Variants in BICRA observed in about 807,000 individuals in gnomAD.
BICRA encodes the protein BRD4 interacting chromatin remodeling complex associated protein.
A neutral mutation model predicts 96.9 loss-of-function variants in BICRA; 31 were observed. That is an observed-to-expected ratio of 0.32 (90% CI 0.24 to 0.43). The LOEUF (loss-of-function observed/expected upper bound fraction) is 0.43. Ranked by LOEUF, BICRA falls within the 20% of genes least tolerant of loss-of-function variation. The pLI is 1.00. For synonymous variants in BICRA, 1,350 were observed against 1,071.8 expected (o/e 1.26, Z -5.07); for missense variants, 2,283 against 2,190.3 (o/e 1.04, Z -0.84).
intron 1 of BICRA, among the ~76,000 whole-genome samples, chr19:47,611,881 T>C (rs1971912528): frequency 6.6e-6 from 1 of 151,998 alleles, no homozygotes; most frequent in Non-Finnish European, 1.5e-5. Flanking sequence ...TAATTTTTTT[T>C]TTTTTTTGAG....
rs550911676 is a variant in BICRA, at chr19:47,694,182, C to T, written c.2351C>T (p.Pro784Leu). 8.6e-4 allele frequency: 1,289 copies of T among 1,505,270 alleles called. 8 individuals carry two copies. The highest frequency in any genetic ancestry group is 9.1e-4 in the Admixed American group (45 of 49,188). 93.2% of individuals were successfully genotyped at this position (1,505,270 alleles called of 1,614,324 possible). A position where few individuals can be genotyped will look rare whatever the true frequency, so the allele number is the denominator to read the frequency against. Residue 784 changes from proline to leucine, a missense_variant, in exon 8 of 15, where the codon CCT becomes CTT. Pro to Leu is a moderately conservative substitution (Grantham distance 98, BLOSUM62 -3). Coordinates refer to ENST00000594866, the MANE Select transcript of BICRA (RefSeq NM_001394372.1). Reference sequence around the variant, plus strand: ...TCCCCGTCACTACCTCACCAGGCCCCTCTGGGGGACAGCCCCCACCTGCCC... The same window carrying T: ...TCCCCGTCACTACCTCACCAGGCCCTTCTGGGGGACAGCCCCCACCTGCCC... ...SSSPSLPHQAPLGDSPHLPSP... is the reference protein window; with the variant it reads ...SSSPSLPHQALLGDSPHLPSP...
intron 14 of BICRA, chr19:47,700,827 T>A (rs958556652): frequency 6.4e-6 from 1 of 156,570 alleles, no homozygotes; most frequent in Non-Finnish European, 1.4e-5. Flanking sequence ...AAAAACCTCA[T>A]GTCATTTCGG....
chr19:47,669,177 C>T (rs1007311891), intron 1 of BICRA, among the ~76,000 whole-genome samples: 1 of 152,010 alleles, frequency 6.6e-6, no homozygotes, highest in African/African-American at 2.4e-5. Flanking sequence ...TTCCTAAGGG[C>T]AGTGAGGCTG....
In BICRA at chr19:47,649,063, T is replaced by G. The variant is rs189231713; in HGVS notation, c.-107-21380T>G. Among the ~76,000 whole-genome samples, 1,209 of 152,138 alleles carry G rather than the reference T, an allele frequency of 7.9e-3. 11 individuals are homozygous for G. Among genetic ancestry groups the G allele is most frequent in the Non-Finnish European group, 0.013 (891 of 67,998 alleles). On this transcript the variant is annotated intron_variant, in intron 1 of 14. Transcript: ENST00000594866. ...AGACGGGGTTTCACCATGTTAGCTA[T>G]GATGGTCTCAATCTCCTGACCTTGT...
intron 1 of BICRA, among the ~76,000 whole-genome samples, chr19:47,649,594 A>G (rs1207240187): frequency 6.6e-6 from 1 of 152,224 alleles, no homozygotes; most frequent in Non-Finnish European, 1.5e-5. Flanking sequence ...GAATTAGTAG[A>G]AATTGATATC....
chr19:47,665,663 G>A (rs773948112), intron 1 of BICRA, among the ~76,000 whole-genome samples: 1 of 152,118 alleles, frequency 6.6e-6, no homozygotes, highest in Non-Finnish European at 1.5e-5. Context: ...TAATCTTCAT[G>A]TGTGTCTTGA....
chr19:47,702,146 G>A lies in BICRA; in HGVS notation c.4414G>A (p.Ala1472Thr). 1 of 1,551,112 alleles carries A rather than the reference G, an allele frequency of 6.4e-7. No individual in the cohort carries two copies. ...PDWEAPGLPP[A>T]KRRKSESPDV... ...CTGGGAGGCGCCCGGGCTGCCCCCT[G>A]CCAAGCGGCGCAAGTCCGAGTCGCC... The change falls in exon 15 of 15, where the codon GCC becomes ACC. Residue 1472 changes from alanine (A) to threonine (T), a missense_variant. Transcript: ENST00000594866.
chr19:47,697,425 A>G (rs529913942), intron 11 of BICRA, among the ~76,000 whole-genome samples: 33 of 151,662 alleles, frequency 2.2e-4, no homozygotes, highest in African/African-American at 6.8e-4. Flanking sequence ...TTTTTTATAT[A>G]TATTGTGGAG....
At chr19:47,677,916 C>T (rs1008480129) in intron 5 of BICRA, among the ~76,000 whole-genome samples, 3 of 152,152 alleles carry the variant, frequency 2.0e-5, no homozygotes, top group African/African-American at 7.2e-5. Flanking sequence ...GCTTGCCTTT[C>T]GGCGGCCAAA....
intron 1 of BICRA, among the ~76,000 whole-genome samples, chr19:47,634,729 C>T (rs1972273092): frequency 6.6e-6 from 1 of 151,298 alleles, no homozygotes; most frequent in African/African-American, 2.4e-5. Flanking sequence ...GTGCCATCCT[C>T]AACTCTCTTC....
chr19:47,621,337 G>A (rs1299449115), intron 1 of BICRA, among the ~76,000 whole-genome samples: 1 of 152,052 alleles, frequency 6.6e-6, no homozygotes, highest in East Asian at 1.9e-4. Context: ...GTGCAGGGTT[G>A]TCTTTTTCTG....
intron 1 of BICRA, among the ~76,000 whole-genome samples, chr19:47,660,563 G>T (rs1269032617): frequency 6.6e-6 from 1 of 152,170 alleles, no homozygotes; most frequent in African/African-American, 2.4e-5. Flanking sequence ...TTAAGTCCAC[G>T]TACCAGGTGA....
intron 11 of BICRA, among the ~76,000 whole-genome samples, chr19:47,697,851 C>T (rs1184045013): frequency 3.3e-5 from 5 of 152,248 alleles, no homozygotes; most frequent in East Asian, 1.9e-4. Flanking sequence ...ACTACAGGCA[C>T]GTGCCACCAC....
intron 1 of BICRA, among the ~76,000 whole-genome samples, chr19:47,610,626 C>T (rs1235523915): frequency 6.6e-6 from 1 of 150,440 alleles, no homozygotes; most frequent in Admixed American, 6.6e-5. Context: ...CCCACACACA[C>T]ACCTACCTAC....
chr19:47,624,690 C>T (rs112389419), intron 1 of BICRA, among the ~76,000 whole-genome samples: 170 of 151,158 alleles, frequency 1.1e-3, no homozygotes, highest in African/African-American at 3.8e-3. Flanking sequence ...CTGCCACGCC[C>T]TGACTTTTTT....
rs1408780471 is a variant in BICRA at position 47,663,803 on chromosome 19, C to CAT, written c.-107-6639_-107-6638insTA. 3 of 152,096 alleles carry CAT rather than the reference C, an allele frequency of 2.0e-5. No homozygotes were observed. In the East Asian group the frequency reaches 5.8e-4, roughly 29 times the overall value. The allele number at this position is 152,096 out of a possible 1,614,324, so 9.4% of individuals were successfully genotyped here. ...TTCTTTGTGTCGCAGTACACACACACACACACACACACATTATTGAAACCA... is the reference window on the plus strand; with the variant it reads ...TTCTTTGTGTCGCAGTACACACACACATACACACACACACATTATTGAAACCA... On this transcript the variant is annotated intron_variant, in intron 1 of 14. Coordinates refer to ENST00000594866, the MANE Select transcript of BICRA (RefSeq NM_001394372.1).
At chr19:47,639,629 ATTTTTTTTTTTTT>A (rs55946534) in intron 1 of BICRA, among the ~76,000 whole-genome samples, 3 of 105,836 alleles carry the variant, frequency 2.8e-5, no homozygotes, top group Non-Finnish European at 5.4e-5. Flanking sequence ...CGGCCAGCCA[ATTTTTTTTTTTTT>A]TTTTTTTTTT....
chr19:47,692,250 G>A (rs894816502), intron 7 of BICRA, among the ~76,000 whole-genome samples: 4 of 150,332 alleles, frequency 2.7e-5, no homozygotes, highest in Non-Finnish European at 4.4e-5. Context: ...TTTTTGAGAC[G>A]GAGTTTCACT....
intron 1 of BICRA, among the ~76,000 whole-genome samples, chr19:47,643,880 G>C (rs182380069): frequency 1.3e-4 from 20 of 152,236 alleles, no homozygotes; most frequent in Admixed American, 8.5e-4. Context: ...GACCTGGGGG[G>C]GTTAATTCTG....
Sources: allele counts gnomAD v4.1 joint callset (sites outside exome capture counted in the v4.1 genomes callset), GRCh38; gene constraint gnomAD v4.1.1; transcripts MANE v1.5; gene names NCBI Gene and HGNC (gene_info 2026-07-23, HGNC 2026-07-21).